IGFLR1: variants seen among roughly 807,000 people sequenced by gnomAD.
The protein encoded by IGFLR1 is IGF-like family receptor 1.
IGFLR1 carries 17 observed loss-of-function variants against 23.4 expected under a neutral mutation model. The ratio of observed to expected loss-of-function variants is 0.73; its 90% CI spans 0.50 to 1.09. The LOEUF (loss-of-function observed/expected upper bound fraction) is 1.09. Ranked by LOEUF, IGFLR1 falls within the 50% of genes least tolerant of loss-of-function variation. The pLI is 0.00. For missense variants in IGFLR1, 556 were observed against 459.2 expected (o/e 1.21, Z -1.93); for synonymous variants, 265 against 210.7 (o/e 1.26, Z -2.23).
rs1167484097 is a variant in IGFLR1, at chr19:35,741,112, G to A, written c.69C>T (p.Ser23=). The change falls in exon 2 of 5, where the codon TCC becomes TCT. Residue 23 remains serine, a synonymous_variant. Transcript: ENST00000246532. The part of the protein sequence containing the change: ...LLALAPPPEA[S]QYCGRLEYWN... Reference sequence around the variant, plus strand: ...AGTATTCAAGGCGGCCGCAGTACTGGGAGGCTTCCGGCGGTGGCGCCAGGG... The same window carrying A: ...AGTATTCAAGGCGGCCGCAGTACTGAGAGGCTTCCGGCGGTGGCGCCAGGG... 2.5e-6 allele frequency: 4 copies of A among 1,602,436 alleles called. No individual in the cohort carries two copies. In the Admixed American group the frequency reaches 5.1e-5, roughly 20 times the overall value.
Position 35,741,141 on chromosome 19 carries a change from G to T in IGFLR1, c.40C>A (p.Leu14Met). The T allele has an allele frequency of 3.1e-6, 5 of 1,602,934 alleles. No homozygotes were observed. Among genetic ancestry groups the T allele is most frequent in the Non-Finnish European group, 4.3e-6 (5 of 1,173,012 alleles). Residue 14 changes from leucine (L) to methionine (M), a missense_variant, in exon 2 of 5, where the codon CTG (leucine) becomes ATG (methionine). Transcript: ENST00000246532. ...GRCLLTALLL[L>M]ALAPPPEASQ... is the part of the protein sequence containing the mutation. ...GCTTCCGGCGGTGGCGCCAGGGCCA[G>T]AAGCAACAAGGCCGTCAGGAGGCAT...
Position 35,739,702 on chromosome 19 carries a change from G to C in IGFLR1, c.721+8C>G. The C allele has an allele frequency of 6.4e-7, 1 of 1,557,444 alleles. No homozygotes were observed. The highest frequency in any genetic ancestry group is 8.7e-7 in the Non-Finnish European group (1 of 1,148,888). Reference sequence around the variant, plus strand: ...CCTTCCCTGCCCCGGGGCTCCTCCAGGACTAACCCCTGCTCAGGAGTGGAA... The same window carrying C: ...CCTTCCCTGCCCCGGGGCTCCTCCACGACTAACCCCTGCTCAGGAGTGGAA... On this transcript the variant is annotated splice_region_variant and intron_variant, in intron 4 of 4. Transcript: ENST00000246532.
At position 35,739,412 on chromosome 19, in the gene IGFLR1, C is replaced by G. The variant is rs771639282; in HGVS notation, c.936G>C (p.Leu312=). 1 of 1,613,800 alleles carries G rather than the reference C, an allele frequency of 6.2e-7. No homozygotes were observed. The highest frequency in any genetic ancestry group is 1.1e-5 in the South Asian group (1 of 91,068). The change falls in exon 5 of 5, where the codon CTG becomes CTC. Residue 312 remains leucine, a synonymous_variant. Coordinates refer to ENST00000246532, the MANE Select transcript of IGFLR1 (RefSeq NM_024660.4). ...LRPSRSPLRA[L]IEMVVAREPS... The stretch of plus-strand genomic sequence containing the variant: ...GCTCCCTTGCCACCACCATCTCAAT[C>G]AGAGCCCGCAGCGGCGAGCGACTCG...
chr19:35,740,951 C>T, intron 2 of IGFLR1, 73 bp downstream of exon 2: 1 of 1,457,282 alleles, frequency 6.9e-7, no homozygotes, highest in Non-Finnish European at 9.4e-7. Flanking sequence ...CCGTAGCCCA[C>T]AGACCTCGCC....
chr19:35,740,040 C>G lies in IGFLR1; in HGVS notation c.391G>C (p.Gly131Arg), dbSNP rs2146490445. 1 of 1,613,912 alleles carries G rather than the reference C, an allele frequency of 6.2e-7. No individual in the cohort carries two copies. The highest frequency in any genetic ancestry group is 8.5e-7 in the Non-Finnish European group (1 of 1,179,942). The change falls in exon 4 of 5, where the codon GGC becomes CGC. Residue 131 changes from glycine to arginine, a missense_variant. By Grantham distance (125) the Gly-to-Arg change is moderately radical. Transcript: ENST00000246532. ...GHCPLTPGNP[G>R]APSSQERSSP... is the part of the protein sequence containing the mutation. ...CTGCGCTCCTGGGAGCTAGGGGCGC[C>G]TGGGTTTCCAGGTGTGAGGGGGCAG... is the stretch of plus-strand genomic sequence containing the variant.
intron 3 of IGFLR1, 82 bp downstream of exon 3, chr19:35,740,298 T>C: frequency 7.1e-7 from 1 of 1,414,442 alleles, no homozygotes; most frequent in Non-Finnish European, 9.3e-7. Flanking sequence ...GCCCCACCCC[T>C]TACGTGGGGC....
chr19:35,740,092 G>A lies in IGFLR1; in HGVS notation c.343-4C>T. The A allele has an allele frequency of 1.9e-6, 3 of 1,607,512 alleles. No individual in the cohort carries two copies. The highest frequency in any genetic ancestry group is 2.5e-6 in the Non-Finnish European group (3 of 1,177,960). On this transcript the variant is annotated splice_polypyrimidine_tract_variant and splice_region_variant and intron_variant, in intron 3 of 4. Coordinates refer to ENST00000246532, the MANE Select transcript of IGFLR1 (RefSeq NM_024660.4). ...GCCCCTTGGCAGGGACCGGCCTCTG[G>A]GGATAAGGGGTTGGAGTAAAGCTGG...
At chr19:35,740,945 A>G in intron 2 of IGFLR1, 79 bp downstream of exon 2, 1 of 1,388,074 alleles carries the variant, frequency 7.2e-7, no homozygotes. Context: ...TCTGGCCCGT[A>G]GCCCACAGAC....
chr19:35,739,491 G>T lies in IGFLR1; in HGVS notation c.857C>A (p.Ala286Asp), dbSNP rs1236106482. ...GGCAGCAGGCAGCCCATATCTTGCG[G>T]CCAGGTGTCGAGTAGTGCCATGGGC... ...GMAHGTTRHL[A>D]ARYGLPAAWS... The change falls in exon 5 of 5, where the codon GCC becomes GAC. Residue 286 changes from alanine to aspartate, a missense_variant. Ala to Asp is a moderately radical substitution (Grantham distance 126). Transcript: ENST00000246532. 1 of 1,614,014 alleles carries T rather than the reference G, an allele frequency of 6.2e-7. No homozygotes were observed. Among genetic ancestry groups the T allele is most frequent in the South Asian group, 1.1e-5 (1 of 91,088 alleles).
Position 35,740,552 on chromosome 19 carries a change from CG to C in IGFLR1, c.169del (p.Arg57GlyfsTer13). 3 of 1,606,454 alleles carry C rather than the reference CG, an allele frequency of 1.9e-6. No individual in the cohort carries two copies. Among genetic ancestry groups the C allele is most frequent in the Non-Finnish European group, 2.5e-6 (3 of 1,176,728 alleles). On this transcript the variant is annotated frameshift_variant, in exon 3 of 5. Transcript: ENST00000246532. LOFTEE classifies it high-confidence loss of function. ...GTGGTCATTGAGTCCGCAGTTTTCC[CG>C]GAACTCATAGTCTAGCGGGAAAGCT... is the stretch of plus-strand genomic sequence containing the variant. ...GPPPCPDYEFRENCGLNDHGD... is the reference protein window; with the variant it reads ...GPPPCPDYEFXENCGLNDHGD...
chr19:35,740,228 C>A, intron 3 of IGFLR1, 140 bp from the exon 4 acceptor site: 1 of 1,329,212 alleles, frequency 7.5e-7, no homozygotes, highest in Non-Finnish European at 1.0e-6. Context: ...CCCGCAAGGC[C>A]CAACTACCTT....
Position 35,739,299 on chromosome 19 carries a change from GA to G in IGFLR1, c.1048del (p.Ser350LeufsTer10). ...TGGGTGTTAAGCCCAGCAAACCCCA[GA>G]TGAGCCAAGCTTGGACAGCACCCGC... ...ALRVLSKLGSSGVCWA is the reference protein window; with the variant it reads ...ALRVLSKLGSXGVCWA On this transcript the variant is annotated frameshift_variant, in exon 5 of 5. Transcript: ENST00000246532. LOFTEE classifies it low-confidence loss of function (END_TRUNC). 6.3e-7 allele frequency: 1 copy of G among 1,596,732 alleles called. No homozygotes were observed. The highest frequency in any genetic ancestry group is 1.3e-5 in the African/African-American group (1 of 74,734).
In IGFLR1 at chr19:35,739,346, C is replaced by G. The variant is rs76520998; in HGVS notation, c.1002G>C (p.Gln334His). 3.6e-3 allele frequency: 5,876 copies of G among 1,611,194 alleles called. 314 individuals are homozygous for G. In the East Asian group the frequency reaches 0.12, roughly 32 times the overall value. The change falls in exon 5 of 5, where the codon CAG becomes CAC. Residue 334 changes from glutamine to histidine, a missense_variant. By Grantham distance (24) the Gln-to-His change is conservative. Coordinates refer to ENST00000246532, the MANE Select transcript of IGFLR1 (RefSeq NM_024660.4). ...SLGQLGTHLA[Q>H]LGRADALRVL... Reference sequence around the variant, plus strand: ...CCCGCAATGCATCTGCCCGCCCTAGCTGGGCGAGGTGTGTGCCAAGCTGGC... The same window carrying G: ...CCCGCAATGCATCTGCCCGCCCTAGGTGGGCGAGGTGTGTGCCAAGCTGGC...
At chr19:35,741,428 G>A (rs900661885) in intron 1 of IGFLR1, 1 of 547,692 alleles carries the variant, frequency 1.8e-6, no homozygotes, top group African/African-American at 1.9e-5. Context: ...CCTCTGCCGT[G>A]TCCTCACCCA....
chr19:35,742,115 C>A (rs28493241), intron 1 of IGFLR1, among the ~76,000 whole-genome samples: 4 of 152,114 alleles, frequency 2.6e-5, no homozygotes, highest in Non-Finnish European at 4.4e-5. Flanking sequence ...TTAAAAAAAA[C>A]AAAAACAAAC....
chr19:35,739,231 T>A lies in IGFLR1; in HGVS notation c.*49A>T. ...GATTGTACTTCAAGAAGTACTTCAG[T>A]GCTAATTGTATACTGGGCTTAGTAG... On this transcript the variant is annotated 3_prime_UTR_variant, in exon 5 of 5. Transcript: ENST00000246532. 1 of 1,438,750 alleles carries A rather than the reference T, an allele frequency of 7.0e-7. No individual in the cohort carries two copies. The highest frequency in any genetic ancestry group is 9.3e-7 in the Non-Finnish European group (1 of 1,070,752). 89.1% of individuals were successfully genotyped at this position (1,438,750 alleles called of 1,614,324 possible). A position where few individuals can be genotyped will look rare whatever the true frequency, so the allele number is the denominator to read the frequency against.
In IGFLR1 at chr19:35,739,116, C is replaced by CCACA; in HGVS notation, c.*163_*164insTGTG. On this transcript the variant is annotated 3_prime_UTR_variant, in exon 5 of 5. Coordinates refer to ENST00000246532, the MANE Select transcript of IGFLR1 (RefSeq NM_024660.4). ...TGGCCCAGAGGCACCTGGGGTCAGC[C>CCACA]CTCCCACATGTGGCCCTGTGTGTAT... 2.9e-6 allele frequency: 2 copies of CCACA among 697,396 alleles called. No homozygotes were observed. Among genetic ancestry groups the CCACA allele is most frequent in the Non-Finnish European group, 4.7e-6 (2 of 428,026 alleles). 43.2% of individuals were successfully genotyped at this position (697,396 alleles called of 1,614,324 possible).
intron 1 of IGFLR1, chr19:35,741,542 G>T: frequency 3.9e-6 from 1 of 259,732 alleles, no homozygotes; most frequent in Non-Finnish European, 7.6e-6. Context: ...GCAGGGGCTG[G>T]GTGTGGTGGC....
Position 35,739,407 on chromosome 19 carries a change from T to G in IGFLR1, c.941A>C (p.Glu314Ala), listed in dbSNP as rs972840942. Residue 314 changes from glutamate (E) to alanine (A), a missense_variant, in exon 5 of 5, where the codon GAG (glutamate) becomes GCG (alanine). Physicochemically the swap from Glu to Ala is moderately radical, Grantham distance 107. Coordinates refer to ENST00000246532, the MANE Select transcript of IGFLR1 (RefSeq NM_024660.4). ...AGAGGGCTCCCTTGCCACCACCATC[T>G]CAATCAGAGCCCGCAGCGGCGAGCG... ...PSRSPLRALI[E>A]MVVAREPSAS... 6.2e-7 allele frequency: 1 copy of G among 1,613,716 alleles called. No individual in the cohort carries two copies. The highest frequency in any genetic ancestry group is 2.2e-5 in the East Asian group (1 of 44,886).
Sources: gnomAD v4.1 joint callset for allele counts (sites outside exome capture counted in the v4.1 genomes callset) on GRCh38, gnomAD v4.1.1 for gene constraint, MANE v1.5 for transcripts, NCBI Gene and HGNC (gene_info 2026-07-23, HGNC 2026-07-21) for gene names.